The following PTTG1IP variants were observed in gnomAD, a reference collection of about 807,000 sequenced individuals.
The protein encoded by PTTG1IP is pituitary tumor-transforming gene 1 protein-interacting protein.
In PTTG1IP, 16 loss-of-function variants were observed where a neutral mutation model predicts 24.4. That is an observed-to-expected ratio of 0.66 (90% CI 0.44 to 1.00). PTTG1IP has a LOEUF of 1.00. PTTG1IP is among the 50% of genes least tolerant of loss of function. The pLI, the probability that PTTG1IP is intolerant of heterozygous loss-of-function variation, is 0.00. For synonymous variants in PTTG1IP, 89 were observed against 96.8 expected (o/e 0.92, Z 0.47); for missense variants, 241 against 245.8 (o/e 0.98, Z 0.13).
intron 3 of PTTG1IP, among the ~76,000 whole-genome samples, chr21:44,859,228 A>G (rs1481592568): frequency 1.3e-5 from 2 of 152,246 alleles, no homozygotes; most frequent in Non-Finnish European, 2.9e-5. Context: ...TAAAGGCGGG[A>G]ACCAGTAACA....
chr21:44,855,876 TG>T (rs1055721663), intron 4 of PTTG1IP, among the ~76,000 whole-genome samples: 3 of 152,186 alleles, frequency 2.0e-5, no homozygotes, highest in African/African-American at 7.2e-5. Flanking sequence ...AGCTTGCTCT[TG>T]GCAAATGCTG....
chr21:44,873,596 G>A lies in PTTG1IP; in HGVS notation c.21C>T (p.Arg7=), dbSNP rs940172412. The A allele has an allele frequency of 2.1e-6, 3 of 1,450,872 alleles. No individual in the cohort carries two copies. Among genetic ancestry groups the A allele is most frequent in the Non-Finnish European group, 9.1e-7 (1 of 1,104,482 alleles). 89.9% of individuals were successfully genotyped at this position (1,450,872 alleles called of 1,614,324 possible). The change falls in exon 1 of 6, where the codon CGC becomes CGT. Residue 7 remains arginine, a synonymous_variant. Coordinates refer to ENST00000330938, the MANE Select transcript of PTTG1IP (RefSeq NM_004339.4). ...GCAACCTCCAGTACGGCGTCGGCCC[G>A]CGGGCCACTCCGGGCGCCATGGTCG... MAPGVA[R]GPTPYWRLRL...
At position 44,873,652 on chromosome 21, in the gene PTTG1IP, A is replaced by G. The variant is rs1225971166; in HGVS notation, c.-36T>C. ...TCGCTCTATCAGTCAGTGGAGCGTT[A>G]CAACTCCGACTCCAGCACAAGCGGT... On this transcript the variant is annotated 5_prime_UTR_variant, in exon 1 of 6. Transcript: ENST00000330938. 2 of 1,349,932 alleles carry G rather than the reference A, an allele frequency of 1.5e-6. No individual in the cohort carries two copies. The highest frequency in any genetic ancestry group is 3.4e-5 in the South Asian group (2 of 59,100). 83.6% of individuals were successfully genotyped at this position (1,349,932 alleles called of 1,614,324 possible). A position where few individuals can be genotyped will look rare whatever the true frequency, so the allele number is the denominator to read the frequency against.
At chr21:44,861,645 G>A (rs1158389054) in intron 2 of PTTG1IP, 2 of 704,726 alleles carry the variant, frequency 2.8e-6, no homozygotes, top group Middle Eastern at 3.6e-4. Context: ...CCCCACATCT[G>A]TGTGGCTCCC....
Position 44,873,680 on chromosome 21 carries a change from C to T in PTTG1IP, c.-64G>A. On this transcript the variant is annotated 5_prime_UTR_variant, in exon 1 of 6. Transcript: ENST00000330938. ...ACTCCGACTCCAGCACAAGCGGTCT[C>T]CGCCCGGAACAGCCGCGGCGCCGGA... 1.5e-6 allele frequency: 2 copies of T among 1,292,028 alleles called. No individual in the cohort carries two copies. The highest frequency in any genetic ancestry group is 2.0e-6 in the Non-Finnish European group (2 of 1,016,542). The allele number at this position is 1,292,028 out of a possible 1,614,324, so 80.0% of individuals were successfully genotyped here. A position where few individuals can be genotyped will look rare whatever the true frequency, so the allele number is the denominator to read the frequency against.
At chr21:44,867,838 A>G (rs914686514) in intron 1 of PTTG1IP, among the ~76,000 whole-genome samples, 1 of 152,212 alleles carries the variant, frequency 6.6e-6, no homozygotes, top group Admixed American at 6.5e-5. Flanking sequence ...TTTAACTTAC[A>G]ATTTCACTCA....
intron 1 of PTTG1IP, among the ~76,000 whole-genome samples, chr21:44,871,520 C>T (rs541676430): frequency 1.3e-5 from 2 of 152,222 alleles, no homozygotes; most frequent in African/African-American, 2.4e-5. Context: ...TGTCTCTCCT[C>T]CATCAAAACA....
At chr21:44,866,470 T>C (rs1437743957) in intron 1 of PTTG1IP, among the ~76,000 whole-genome samples, 8 of 20,662 alleles carry the variant, frequency 3.9e-4, no homozygotes, top group Non-Finnish European at 6.7e-4. Flanking sequence ...CCCAATCCCA[T>C]AACACACACA....
At chr21:44,863,469 G>C (rs896431855) in intron 2 of PTTG1IP, among the ~76,000 whole-genome samples, 4 of 152,202 alleles carry the variant, frequency 2.6e-5, no homozygotes, top group African/African-American at 9.7e-5. Flanking sequence ...GCCCTGTCTG[G>C]GTTCAGAACT....
Position 44,850,281 on chromosome 21 carries a change from A to G in PTTG1IP, c.*1300T>C, listed in dbSNP as rs11312. 0.68 allele frequency: 104,160 copies of G among 152,204 alleles called. 36,053 individuals carry two copies. Among genetic ancestry groups the G allele is most frequent in the East Asian group, 0.8 (4,155 of 5,184 alleles). 9.4% of individuals were successfully genotyped at this position (152,204 alleles called of 1,614,324 possible). The stretch of plus-strand genomic sequence containing the variant: ...TTTAAAATTCAAGGCAATCTGGAAC[A>G]GGGACTATTTCCAAACTTCCTTAGG... On this transcript the variant is annotated 3_prime_UTR_variant, in exon 6 of 6. Transcript: ENST00000330938.
chr21:44,861,634 T>G, intron 2 of PTTG1IP: 1 of 691,352 alleles, frequency 1.4e-6, no homozygotes, highest in East Asian at 2.7e-5. Context: ...TGGAGCACTC[T>G]CCCCACATCT....
At chr21:44,856,580 C>G (rs762165280) in intron 3 of PTTG1IP, among the ~76,000 whole-genome samples, 1 of 152,212 alleles carries the variant, frequency 6.6e-6, no homozygotes, top group Non-Finnish European at 1.5e-5. Flanking sequence ...TTCAGCCACA[C>G]GTTCCTATCT....
At chr21:44,861,084 G>C in intron 3 of PTTG1IP, 79 bp downstream of exon 3, 1 of 1,266,280 alleles carries the variant, frequency 7.9e-7, no homozygotes, top group Non-Finnish European at 1.1e-6. Flanking sequence ...TTACAGACGT[G>C]AGCCACCGCG....
At chr21:44,861,632 T>C in intron 2 of PTTG1IP, 1 of 689,168 alleles carries the variant, frequency 1.5e-6, no homozygotes, top group South Asian at 1.6e-5. Context: ...CCTGGAGCAC[T>C]CTCCCCACAT....
At chr21:44,861,698 A>C (rs1314417781) in intron 2 of PTTG1IP, 1 of 715,430 alleles carries the variant, frequency 1.4e-6, no homozygotes, top group Non-Finnish European at 2.6e-6. Context: ...GACTGGACAC[A>C]ACCAGCCGCC....
chr21:44,860,814 C>CTT (rs61224396), intron 3 of PTTG1IP, among the ~76,000 whole-genome samples: 77 of 149,656 alleles, frequency 5.1e-4, no homozygotes, highest in Admixed American at 1.5e-3. Flanking sequence ...ATACTATTTT[C>CTT]TTTTTTTTTT....
In PTTG1IP at chr21:44,856,343, A is replaced by G. The variant is rs1231093139; in HGVS notation, c.299T>C (p.Ile100Thr). ...VCWVNFEALI[I>T]TMSVVGGTLL... ...GGTTCCCCCGACTACCGACATGGTG[A>G]TGATCAGCGCCTCAAAGTTCACTGG... Residue 100 changes from isoleucine to threonine, a missense_variant, in exon 4 of 6, where the codon ATC (isoleucine) becomes ACC (threonine). Transcript: ENST00000330938. The G allele has an allele frequency of 1.2e-6, 2 of 1,613,492 alleles. No homozygotes were observed. The highest frequency in any genetic ancestry group is 1.7e-5 in the Admixed American group (1 of 59,984).
rs780220153 is a variant in PTTG1IP at position 44,851,599 on chromosome 21, A to G, written c.525T>C (p.Ala175=). 3.8e-5 allele frequency: 61 copies of G among 1,590,912 alleles called. No homozygotes were observed. Among genetic ancestry groups the G allele is most frequent in the Non-Finnish European group, 4.9e-5 (57 of 1,161,070 alleles). ...YGLFKEENPY[A]RFENN is the part of the protein sequence containing the mutation. ...GAGCGCTTTAGTTGTTTTCAAATCT[A>G]GCATACGGGTTTTCTTCTTTAAACA... The change falls in exon 6 of 6, where the codon GCT becomes GCC. Residue 175 remains alanine (A), a synonymous_variant. Transcript: ENST00000330938.
At chr21:44,852,428 A>G (rs554370612) in intron 5 of PTTG1IP, among the ~76,000 whole-genome samples, 1 of 152,238 alleles carries the variant, frequency 6.6e-6, no homozygotes, top group South Asian at 2.1e-4. Context: ...GTGATCCACC[A>G]CCTTGGTCTC....
Sources: gnomAD v4.1 joint callset for allele counts (sites outside exome capture counted in the v4.1 genomes callset) on GRCh38, gnomAD v4.1.1 for gene constraint, MANE v1.5 for transcripts, NCBI Gene and HGNC (gene_info 2026-07-23, HGNC 2026-07-21) for gene names.